USP12: variants seen among roughly 807,000 people sequenced by gnomAD.
USP12 encodes ubiquitin carboxyl-terminal hydrolase 12.
USP12 carries 19 observed loss-of-function variants against 45.5 expected under a neutral mutation model. The ratio of observed to expected loss-of-function variants is 0.42; its 90% CI spans 0.29 to 0.61. The LOEUF is 0.61. Among genes scored for constraint, USP12 ranks in the 20% least tolerant of loss-of-function variants. USP12 has a pLI of 0.22. For synonymous variants in USP12, 149 were observed against 148.8 expected, an observed-to-expected ratio of 1.00 and a Z score of -0.01; for missense variants, 242 against 447.7, an observed-to-expected ratio of 0.54 and a Z score of 4.15.
Position 27,085,336 on chromosome 13 carries a change from A to G in USP12, c.734+4547T>C, listed in dbSNP as rs1348395027. 3.3e-5 allele frequency among the ~76,000 whole-genome samples: 5 copies of G among 151,942 alleles called. No individual in the cohort carries two copies. The East Asian group carries it at 9.7e-4, about 29-fold the overall frequency. On this transcript the variant is annotated intron_variant, in intron 6 of 8. Coordinates refer to ENST00000282344, the MANE Select transcript of USP12 (RefSeq NM_182488.4). The stretch of plus-strand genomic sequence containing the variant: ...GCTGGGATTACAGATGTGTGCCACC[A>G]CGCCTGGCTAATTTTTGTATTTTCA...
chr13:27,156,809 A>C (rs982021123), intron 1 of USP12, among the ~76,000 whole-genome samples: 1 of 152,012 alleles, frequency 6.6e-6, no homozygotes, highest in Non-Finnish European at 1.5e-5. Flanking sequence ...GCGACAGAGC[A>C]AGATTCCGTC....
At chr13:27,083,959 G>T (rs1443762956) in intron 6 of USP12, among the ~76,000 whole-genome samples, 2 of 151,230 alleles carry the variant, frequency 1.3e-5, no homozygotes, top group East Asian at 3.9e-4. Context: ...CTGCCTCCCA[G>T]GTTCAAGTGA....
chr13:27,125,796 G>A (rs901584771), intron 1 of USP12, among the ~76,000 whole-genome samples: 4 of 152,236 alleles, frequency 2.6e-5, no homozygotes, highest in African/African-American at 7.2e-5. Flanking sequence ...GGCAGACCAG[G>A]AGACTCCCTC....
At chr13:27,123,772 G>A (rs1282518471) in intron 1 of USP12, among the ~76,000 whole-genome samples, 1 of 152,214 alleles carries the variant, frequency 6.6e-6, no homozygotes, top group Non-Finnish European at 1.5e-5. Flanking sequence ...ATGTGGAAAT[G>A]AGAGTCCATT....
chr13:27,123,265 C>T (rs1172203120), intron 1 of USP12, among the ~76,000 whole-genome samples: 1 of 152,144 alleles, frequency 6.6e-6, no homozygotes, highest in Non-Finnish European at 1.5e-5. Flanking sequence ...ACAAATCATT[C>T]TTTCCAGACC....
In USP12 at chr13:27,068,713, T is replaced by C. The variant is rs552490929; in HGVS notation, c.*570A>G. ...TACATATACATATACTGTATATTAT[T>C]ATAAGCTTCTTCAGAGAAGCAAAAC... On this transcript the variant is annotated 3_prime_UTR_variant, in exon 9 of 9. Transcript: ENST00000282344. 80 of 154,164 alleles carry C rather than the reference T, an allele frequency of 5.2e-4. No homozygotes were observed. The highest frequency in any genetic ancestry group is 1.8e-3 in the African/African-American group (76 of 41,588). 9.5% of individuals were successfully genotyped at this position (154,164 alleles called of 1,614,324 possible).
intron 1 of USP12, 114 bp from the exon 2 acceptor site, chr13:27,116,710 G>A (rs866948144): frequency 5.8e-6 from 5 of 869,478 alleles, no homozygotes; most frequent in Non-Finnish European, 6.9e-6. Flanking sequence ...CGATGGAGCT[G>A]CCCTACACAG....
intron 1 of USP12, among the ~76,000 whole-genome samples, chr13:27,128,454 T>C (rs2137808390): frequency 6.6e-6 from 1 of 152,242 alleles, no homozygotes; most frequent in South Asian, 2.1e-4. Context: ...TTCAAAAAAT[T>C]AATAAAATAC....
intron 1 of USP12, among the ~76,000 whole-genome samples, chr13:27,138,555 G>A (rs1247633000): frequency 6.6e-6 from 1 of 152,172 alleles, no homozygotes; most frequent in Non-Finnish European, 1.5e-5. Flanking sequence ...GGAGAGGTTA[G>A]ATAAGCACCT....
chr13:27,109,245 A>G (rs955327720), intron 2 of USP12, among the ~76,000 whole-genome samples: 2 of 152,204 alleles, frequency 1.3e-5, no homozygotes, highest in Non-Finnish European at 2.9e-5. Flanking sequence ...GGGGATGTTT[A>G]AAACAGAGTG....
intron 3 of USP12, among the ~76,000 whole-genome samples, chr13:27,103,261 G>C (rs944295956): frequency 6.6e-6 from 1 of 152,086 alleles, no homozygotes; most frequent in East Asian, 1.9e-4. Context: ...ATCTCAGAAG[G>C]AAAGATATGC....
intron 1 of USP12, among the ~76,000 whole-genome samples, chr13:27,139,530 C>A (rs908867681): frequency 6.6e-6 from 1 of 152,170 alleles, no homozygotes; most frequent in African/African-American, 2.4e-5. Flanking sequence ...GCAGGAGAAT[C>A]GCTTGAACCT....
chr13:27,107,786 T>C (rs1011209111), intron 2 of USP12, among the ~76,000 whole-genome samples: 2 of 152,132 alleles, frequency 1.3e-5, no homozygotes, highest in African/African-American at 4.8e-5. Flanking sequence ...GAAAAAATGC[T>C]CATCATCACT....
chr13:27,090,549 A>G (rs1355161834), intron 4 of USP12, among the ~76,000 whole-genome samples: 3 of 152,242 alleles, frequency 2.0e-5, no homozygotes, highest in Admixed American at 2.0e-4. Flanking sequence ...TGTCATTAAA[A>G]AAAAAATTTA....
At chr13:27,107,547 T>C (rs1337202356) in intron 2 of USP12, among the ~76,000 whole-genome samples, 3 of 152,180 alleles carry the variant, frequency 2.0e-5, no homozygotes, top group African/African-American at 7.2e-5. Flanking sequence ...TGAAAATGTA[T>C]GTCTGTGTGC....
At chr13:27,163,812 A>G (rs941126577) in intron 1 of USP12, among the ~76,000 whole-genome samples, 1 of 151,480 alleles carries the variant, frequency 6.6e-6, no homozygotes, top group Non-Finnish European at 1.5e-5. Context: ...AAGAAGCTAC[A>G]GGTAAGACAG....
intron 1 of USP12, among the ~76,000 whole-genome samples, chr13:27,137,859 T>C (rs2137817106): frequency 6.6e-6 from 1 of 152,338 alleles, no homozygotes. Context: ...CTCATTGGCT[T>C]GGAAGGAGCA....
chr13:27,149,629 G>A (rs1877481502), intron 1 of USP12, among the ~76,000 whole-genome samples: 1 of 152,152 alleles, frequency 6.6e-6, no homozygotes, highest in African/African-American at 2.4e-5. Flanking sequence ...AGATGTGGGG[G>A]GTGGGAGGAG....
chr13:27,151,540 C>T (rs1031338884), intron 1 of USP12, among the ~76,000 whole-genome samples: 20 of 151,868 alleles, frequency 1.3e-4, no homozygotes, highest in Admixed American at 9.2e-4. Flanking sequence ...CCAGTGCTTT[C>T]GGAGGACTAG....
Sources: gnomAD v4.1 joint callset for allele counts (sites outside exome capture counted in the v4.1 genomes callset) on GRCh38, gnomAD v4.1.1 for gene constraint, MANE v1.5 for transcripts, NCBI Gene and HGNC (gene_info 2026-07-23, HGNC 2026-07-21) for gene names.